Variants in GNB1 observed in about 807,000 individuals in gnomAD.
The protein encoded by GNB1 is G protein subunit beta 1.
A neutral mutation model predicts 42.9 loss-of-function variants in GNB1; 2 were observed. The observed-to-expected ratio is 0.05, with a 90% CI of 0.02 to 0.15. The LOEUF (loss-of-function observed/expected upper bound fraction) is 0.15, where lower values mean the gene tolerates loss of function less well. Ranked by LOEUF, GNB1 falls within the 10% of genes least tolerant of loss-of-function variation. The pLI is 1.00. For missense variants in GNB1, 193 were observed against 462.2 expected (o/e 0.42, Z 5.34); for synonymous variants, 183 against 174.7 (o/e 1.05, Z -0.38).
chr1:1,789,153 C>T lies in GNB1; in HGVS notation c.816G>A (p.Gly272=), dbSNP rs764253103. 16 of 1,614,070 alleles carry T rather than the reference C, an allele frequency of 9.9e-6. No individual in the cohort carries two copies. The South Asian group carries it at 1.4e-4, about 14-fold the overall frequency. Residue 272 remains glycine, a synonymous_variant, in exon 10 of 12, where the codon GGG becomes GGA. Coordinates refer to ENST00000378609, the MANE Select transcript of GNB1 (RefSeq NM_002074.5). ...TCTTGGAGAAGGAGACAGAGGTGAT[C>T]CCGCAGATGATGTTGTCATGGGAGT... ...MTYSHDNIIC[G]ITSVSFSKSG... is the part of the protein sequence containing the mutation.
intron 5 of GNB1, among the ~76,000 whole-genome samples, chr1:1,807,114 C>A (rs1259377410): frequency 6.6e-6 from 1 of 152,106 alleles, no homozygotes; most frequent in Non-Finnish European, 1.5e-5. Context: ...CCCCTGGCAC[C>A]CATTCCCTTT....
chr1:1,823,818 T>A lies in GNB1; in HGVS notation c.57+1579A>T, dbSNP rs75919090. Reference sequence around the variant, plus strand: ...AATTGGCCGTTTAAAAGGAAATACTTGACTTCATCCTTGCACTGGAGTCAG... The same window carrying A: ...AATTGGCCGTTTAAAAGGAAATACTAGACTTCATCCTTGCACTGGAGTCAG... On this transcript the variant is annotated intron_variant, in intron 3 of 11. Coordinates refer to ENST00000378609, the MANE Select transcript of GNB1 (RefSeq NM_002074.5). Among the ~76,000 whole-genome samples the A allele has an allele frequency of 8.4e-3, 1,272 of 152,308 alleles. 21 individuals are homozygous for A. Among genetic ancestry groups the A allele is most frequent in the African/African-American group, 0.029 (1,221 of 41,562 alleles).
chr1:1,796,640 G>C (rs568805620), intron 7 of GNB1, among the ~76,000 whole-genome samples: 1 of 152,308 alleles, frequency 6.6e-6, no homozygotes, highest in African/African-American at 2.4e-5. Flanking sequence ...CTGGTGCGGG[G>C]GCCTGTGCTG....
chr1:1,830,448 G>T (rs1647060470), intron 2 of GNB1, among the ~76,000 whole-genome samples: 1 of 150,984 alleles, frequency 6.6e-6, no homozygotes, highest in Non-Finnish European at 1.5e-5. Context: ...TTTTTAGTAG[G>T]GACGGGGTTT....
intron 2 of GNB1, among the ~76,000 whole-genome samples, chr1:1,832,856 T>G (rs1460716634): frequency 6.6e-6 from 1 of 152,206 alleles, no homozygotes; most frequent in Non-Finnish European, 1.5e-5. Context: ...TAAATTGTTT[T>G]TTACTCTAAT....
Position 1,790,664 on chromosome 1 carries a change from C to T in GNB1, c.498-68G>A. 2.7e-6 allele frequency: 3 copies of T among 1,098,016 alleles called. No individual in the cohort carries two copies. Among genetic ancestry groups the T allele is most frequent in the Non-Finnish European group, 4.1e-6 (3 of 724,080 alleles). 68.0% of individuals were successfully genotyped at this position (1,098,016 alleles called of 1,614,324 possible). On this transcript the variant is annotated intron_variant, in intron 8 of 11. Coordinates refer to ENST00000378609, the MANE Select transcript of GNB1 (RefSeq NM_002074.5). This position sits in a 1 kb window ranked among gnomAD's most constrained non-coding sequence, Gnocchi z 5.4. ...CTTGGGTGGCTAGTCATGTGACAGA[C>T]AATCTGTCCTTCAAACCACCCAGGG...
intron 7 of GNB1, 68 bp from the exon 8 acceptor site, chr1:1,793,379 G>A (rs1570624005): frequency 9.7e-7 from 1 of 1,034,522 alleles, no homozygotes; most frequent in Non-Finnish European, 1.5e-6. Context: ...CATACATAGA[G>A]AAACACATTG....
chr1:1,865,603 TAC>T (rs1409864268), intron 1 of GNB1, among the ~76,000 whole-genome samples: 6 of 152,086 alleles, frequency 3.9e-5, no homozygotes, highest in African/African-American at 1.4e-4. Flanking sequence ...ACTACCGGAT[TAC>T]AGTTATGTTA....
At chr1:1,857,816 G>C (rs1478720952) in intron 1 of GNB1, among the ~76,000 whole-genome samples, 2 of 152,016 alleles carry the variant, frequency 1.3e-5, no homozygotes, top group Non-Finnish European at 2.9e-5. Flanking sequence ...ACTTAATCCT[G>C]TAACAAAGTT....
At chr1:1,848,390 A>C (rs1314984183) in intron 1 of GNB1, among the ~76,000 whole-genome samples, 1 of 151,822 alleles carries the variant, frequency 6.6e-6, no homozygotes, top group Non-Finnish European at 1.5e-5. Flanking sequence ...AGAAAAAATA[A>C]AACGAAAAAG....
chr1:1,807,020 A>G (rs955497478), intron 5 of GNB1, among the ~76,000 whole-genome samples: 2 of 152,028 alleles, frequency 1.3e-5, no homozygotes, highest in Non-Finnish European at 2.9e-5. Flanking sequence ...TGTCAGACCA[A>G]CTTCAAAGCA....
chr1:1,824,412 G>C (rs1570673448), intron 3 of GNB1, among the ~76,000 whole-genome samples: 1 of 152,198 alleles, frequency 6.6e-6, no homozygotes, highest in African/African-American at 2.4e-5. Flanking sequence ...CTGCACTCCA[G>C]CCTGGGCACA....
chr1:1,820,226 C>T (rs969407165), intron 3 of GNB1, among the ~76,000 whole-genome samples: 4 of 151,518 alleles, frequency 2.6e-5, no homozygotes, highest in African/African-American at 4.8e-5. Flanking sequence ...GCATGGTGGC[C>T]GGCACCTGTA....
At chr1:1,858,815 T>C (rs1334853339) in intron 1 of GNB1, among the ~76,000 whole-genome samples, 16 of 152,174 alleles carry the variant, frequency 1.1e-4, no homozygotes. Flanking sequence ...CCCTTCCCGA[T>C]GACGTCACAT....
chr1:1,823,995 A>AGGCGC (rs1646965487), intron 3 of GNB1, among the ~76,000 whole-genome samples: 1 of 152,188 alleles, frequency 6.6e-6, no homozygotes, highest in Non-Finnish European at 1.5e-5. Context: ...CTCAGACTAC[A>AGGCGC]GGCGCGCACC....
intron 3 of GNB1, among the ~76,000 whole-genome samples, chr1:1,822,447 C>T (rs141047720): frequency 2.0e-5 from 3 of 151,786 alleles, no homozygotes; most frequent in Admixed American, 1.3e-4. Context: ...GGACTACAGG[C>T]GCCCACCACC....
chr1:1,831,447 T>C (rs1338593596), intron 2 of GNB1, among the ~76,000 whole-genome samples: 1 of 152,120 alleles, frequency 6.6e-6, no homozygotes, highest in Admixed American at 6.6e-5. Flanking sequence ...TAAATTTGCA[T>C]ATAGTTATTT....
intron 2 of GNB1, among the ~76,000 whole-genome samples, chr1:1,837,745 C>T (rs759347054): frequency 1.7e-4 from 25 of 144,862 alleles, no homozygotes; most frequent in Non-Finnish European, 3.0e-4. Flanking sequence ...TTTGTATTTT[C>T]GTAGAGACGG....
At chr1:1,876,508 A>AGAGAGAGC (rs1295566462) in intron 1 of GNB1, among the ~76,000 whole-genome samples, 2 of 151,798 alleles carry the variant, frequency 1.3e-5, no homozygotes, top group African/African-American at 4.9e-5. Flanking sequence ...AGAGAGAGAG[A>AGAGAGAGC]GAGAGAGCGA....
Sources: allele counts gnomAD v4.1 joint callset (sites outside exome capture counted in the v4.1 genomes callset), GRCh38; gene constraint gnomAD v4.1.1; non-coding constraint Gnocchi (gnomAD v3.1); transcripts MANE v1.5; gene names NCBI Gene and HGNC (gene_info 2026-07-23, HGNC 2026-07-21).